PDK1: variants seen among roughly 807,000 people sequenced by gnomAD.
The protein encoded by PDK1 is pyruvate dehydrogenase kinase 1.
In PDK1, 39 loss-of-function variants were observed where a neutral mutation model predicts 54.2. That is an observed-to-expected ratio of 0.72 (90% CI 0.56 to 0.94). The LOEUF (loss-of-function observed/expected upper bound fraction) is 0.94, where lower values mean the gene tolerates loss of function less well. Ranked by LOEUF, PDK1 falls within the 40% of genes least tolerant of loss-of-function variation. The probability of loss-of-function intolerance (pLI) is 0.00; values close to 1 mark genes in which losing one functional copy is unlikely to be tolerated. For synonymous variants in PDK1, 221 were observed against 207.1 expected (o/e 1.07, Z -0.58); for missense variants, 552 against 566.0 (o/e 0.98, Z 0.25).
intron 8 of PDK1, among the ~76,000 whole-genome samples, chr2:172,583,280 G>GTT (rs1401815533): frequency 4.3e-5 from 4 of 93,918 alleles, no homozygotes; most frequent in Non-Finnish European, 6.1e-5. Context: ...AAAGTTTTCT[G>GTT]GTTTTTTTTT....
chr2:172,718,650 G>A, the PDK1 span, among the ~76,000 whole-genome samples: 1 of 152,082 alleles, frequency 6.6e-6, no homozygotes, highest in South Asian at 2.1e-4. Context: ...GAGTGATTCC[G>A]TTTGGGGTGA....
At chr2:172,559,176 T>G (rs1688522586) in intron 2 of PDK1, among the ~76,000 whole-genome samples, 1 of 152,170 alleles carries the variant, frequency 6.6e-6, no homozygotes, top group Non-Finnish European at 1.5e-5. Context: ...CTCGGTCTCC[T>G]GAACTCGTGA....
At chr2:172,583,565 T>G (rs1476687424) in intron 8 of PDK1, among the ~76,000 whole-genome samples, 2 of 152,004 alleles carry the variant, frequency 1.3e-5, no homozygotes, top group Non-Finnish European at 2.9e-5. Flanking sequence ...AGTGCTGGGT[T>G]TATAGGTGTA....
chr2:172,604,120 T>A lies in PDK1; in HGVS notation c.*8151T>A, dbSNP rs1691206969. On this transcript the variant is annotated 3_prime_UTR_variant, in exon 11 of 11. Coordinates refer to ENST00000282077, the MANE Select transcript of PDK1 (RefSeq NM_002610.5). Reference sequence around the variant, plus strand: ...TGAGGACAGAGTCTTGCTCTGAGATTACCCAGGCTGGAGTTTAGTAGCATG... The same window carrying A: ...TGAGGACAGAGTCTTGCTCTGAGATAACCCAGGCTGGAGTTTAGTAGCATG... 1 of 152,224 alleles carries A rather than the reference T, an allele frequency of 6.6e-6. No individual in the cohort carries two copies. Among genetic ancestry groups the A allele is most frequent in the African/African-American group, 2.4e-5 (1 of 41,460 alleles). The allele number at this position is 152,224 out of a possible 1,614,324, so 9.4% of individuals were successfully genotyped here. A position where few individuals can be genotyped will look rare whatever the true frequency, so the allele number is the denominator to read the frequency against.
chr2:172,624,280 C>T, the PDK1 span, among the ~76,000 whole-genome samples: 4 of 152,046 alleles, frequency 2.6e-5, no homozygotes, highest in African/African-American at 7.3e-5. Flanking sequence ...GCCCCTGGGG[C>T]CCCATACGGG....
chr2:172,592,731 C>T (rs1284030076), intron 9 of PDK1, among the ~76,000 whole-genome samples: 7 of 152,070 alleles, frequency 4.6e-5, no homozygotes. Flanking sequence ...TTTTAAATGA[C>T]CAGAGGGAAG....
Position 172,595,947 on chromosome 2 carries a change from T to A in PDK1, c.1289T>A (p.Met430Lys). Reference sequence around the variant, plus strand: ...GTCCCCAGCAGAGAACCCAAAGACATGACGACGTTCCGCAGTGCCTAGACA... The same window carrying A: ...GTCCCCAGCAGAGAACCCAAAGACAAGACGACGTTCCGCAGTGCCTAGACA... ...WCVPSREPKD[M>K]TTFRSA The change falls in exon 11 of 11, where the codon ATG (methionine) becomes AAG (lysine). Residue 430 changes from methionine to lysine, a missense_variant. Met to Lys is a moderately conservative substitution (Grantham distance 95). Transcript: ENST00000282077. 6 of 1,612,830 alleles carry A rather than the reference T, an allele frequency of 3.7e-6. No individual in the cohort carries two copies. Among genetic ancestry groups the A allele is most frequent in the African/African-American group, 1.3e-5 (1 of 75,024 alleles).
chr2:172,717,280 G>A, the PDK1 span, among the ~76,000 whole-genome samples: 1 of 152,192 alleles, frequency 6.6e-6, no homozygotes, highest in African/African-American at 2.4e-5. Context: ...AGCTCCAGAT[G>A]GATCTTGAGA....
At position 172,566,934 on chromosome 2, in the gene PDK1, G is replaced by A; in HGVS notation, c.769+1G>A. 1 of 1,586,520 alleles carries A rather than the reference G, an allele frequency of 6.3e-7. No homozygotes were observed. The highest frequency in any genetic ancestry group is 1.1e-5 in the South Asian group (1 of 90,126). ...GAACTAGAACTTGAAGAACTAAATG[G>A]TAAGCCTGATGTTGTCTTTTTCTCA... On this transcript the variant is annotated splice_donor_variant, in intron 6 of 10. Transcript: ENST00000282077. LOFTEE classifies it high-confidence loss of function.
the PDK1 span, among the ~76,000 whole-genome samples, chr2:172,620,850 C>A: frequency 1.3e-5 from 2 of 152,166 alleles, no homozygotes; most frequent in Admixed American, 1.3e-4. Flanking sequence ...CACAGTGCTT[C>A]CTGTACAGCC....
chr2:172,687,092 A>C, the PDK1 span, among the ~76,000 whole-genome samples: 4 of 152,060 alleles, frequency 2.6e-5, no homozygotes, highest in Non-Finnish European at 4.4e-5. Flanking sequence ...TACCCATGTA[A>C]ACTAACAATA....
the PDK1 span, among the ~76,000 whole-genome samples, chr2:172,717,740 T>G: frequency 1.3e-5 from 2 of 152,184 alleles, no homozygotes; most frequent in Non-Finnish European, 2.9e-5. Flanking sequence ...TAAGGAAATA[T>G]GCCCTAAATT....
chr2:172,682,086 C>T, the PDK1 span, among the ~76,000 whole-genome samples: 6 of 152,038 alleles, frequency 3.9e-5, no homozygotes, highest in African/African-American at 9.7e-5. Flanking sequence ...ATGAGCAAGT[C>T]GATGTAGGCC....
At chr2:172,715,544 A>G in the PDK1 span, among the ~76,000 whole-genome samples, 1 of 152,196 alleles carries the variant, frequency 6.6e-6, no homozygotes, top group Non-Finnish European at 1.5e-5. Context: ...GAGGTTCATC[A>G]GGCTGTTCTG....
the PDK1 span, among the ~76,000 whole-genome samples, chr2:172,619,384 C>A: frequency 6.6e-6 from 1 of 152,072 alleles, no homozygotes; most frequent in South Asian, 2.1e-4. Flanking sequence ...CTCAGTGGAC[C>A]AGGGGTGGAG....
the PDK1 span, among the ~76,000 whole-genome samples, chr2:172,623,463 GA>G: frequency 3.3e-5 from 5 of 152,160 alleles, no homozygotes; most frequent in Non-Finnish European, 5.9e-5. Context: ...CAGTGATTCA[GA>G]AAGAGGTTTA....
the PDK1 span, among the ~76,000 whole-genome samples, chr2:172,624,590 C>G: frequency 6.6e-6 from 1 of 152,162 alleles, no homozygotes; most frequent in Non-Finnish European, 1.5e-5. Context: ...AGGTTGGGAA[C>G]TGCTACACTA....
At chr2:172,588,905 A>G (rs1372064012) in intron 9 of PDK1, among the ~76,000 whole-genome samples, 1 of 152,236 alleles carries the variant, frequency 6.6e-6, no homozygotes, top group Middle Eastern at 3.2e-3. Flanking sequence ...GTCCTTAACA[A>G]GCCAGCCACT....
At chr2:172,557,151 T>C (rs1250672013) in intron 1 of PDK1, among the ~76,000 whole-genome samples, 1 of 149,582 alleles carries the variant, frequency 6.7e-6, no homozygotes, top group African/African-American at 2.6e-5. Context: ...GTCTTAAAAC[T>C]GTGGTTTGTA....
Sources: allele counts gnomAD v4.1 joint callset (sites outside exome capture counted in the v4.1 genomes callset), GRCh38; gene constraint gnomAD v4.1.1; transcripts MANE v1.5; gene names NCBI Gene and HGNC (gene_info 2026-07-23, HGNC 2026-07-21).